WDR47: variants seen among roughly 807,000 people sequenced by gnomAD.
The protein encoded by WDR47 is WD repeat-containing protein 47.
In WDR47, 32 loss-of-function variants were observed where a neutral mutation model predicts 97.2. That is an observed-to-expected ratio of 0.33 (90% CI 0.25 to 0.44). The LOEUF (loss-of-function observed/expected upper bound fraction) is 0.44. Among genes scored for constraint, WDR47 ranks in the 20% least tolerant of loss-of-function variants. The pLI, the probability that WDR47 is intolerant of heterozygous loss-of-function variation, is 1.00. For synonymous variants in WDR47, 375 were observed against 373.5 expected (o/e 1.00, Z -0.05); for missense variants, 782 against 1,102.3 (o/e 0.71, Z 4.11).
At chr1:109,028,977 AT>A (rs1206788586) in intron 1 of WDR47, among the ~76,000 whole-genome samples, 1 of 152,148 alleles carries the variant, frequency 6.6e-6, no homozygotes, top group Non-Finnish European at 1.5e-5. Flanking sequence ...AGTTTTACTT[AT>A]ATCCAATATC....
intron 5 of WDR47, among the ~76,000 whole-genome samples, chr1:109,005,791 C>T (rs1342794245): frequency 6.6e-6 from 1 of 152,042 alleles, no homozygotes; most frequent in African/African-American, 2.4e-5. Flanking sequence ...ATCGCTTGAA[C>T]CAGGGAGGCA....
At chr1:109,023,924 T>C (rs916809361) in intron 1 of WDR47, among the ~76,000 whole-genome samples, 2 of 152,176 alleles carry the variant, frequency 1.3e-5, no homozygotes, top group African/African-American at 4.8e-5. Flanking sequence ...TAATAGAGAA[T>C]ATTTTAAAAA....
In WDR47 at chr1:108,984,833, G is replaced by A. The variant is rs536882621; in HGVS notation, c.1926-1382C>T. Among the ~76,000 whole-genome samples the A allele has an allele frequency of 2.0e-5, 3 of 152,216 alleles. No individual in the cohort carries two copies. The South Asian group carries it at 6.2e-4, about 32-fold the overall frequency. On this transcript the variant is annotated intron_variant, in intron 10 of 14. Transcript: ENST00000369962. ...GTGGAGGTTACAGTGAGCTGAGGTC[G>A]TGCCAGTGCACTCCAGCCTGGCGAC...
intron 13 of WDR47, among the ~76,000 whole-genome samples, chr1:108,976,384 CAGTA>C (rs376868408): frequency 1.4e-3 from 204 of 146,112 alleles, no homozygotes; most frequent in Non-Finnish European, 2.2e-3. Context: ...AAAAAAAAAA[CAGTA>C]AGGAAGGTGG....
In WDR47 at chr1:109,038,994, TAATA is replaced by T. The variant is rs200117651; in HGVS notation, c.-10+2864_-10+2867del. Among the ~76,000 whole-genome samples the T allele has an allele frequency of 3.4e-3, 471 of 139,690 alleles. 1 individual carries two copies. The highest frequency in any genetic ancestry group is 8.0e-3 in the African/African-American group (322 of 40,288). 91.6% of individuals were successfully genotyped at this position (139,690 alleles called of 152,430 possible). A position where few individuals can be genotyped will look rare whatever the true frequency, so the allele number is the denominator to read the frequency against. On this transcript the variant is annotated intron_variant, in intron 1 of 14. Coordinates refer to ENST00000369962, the MANE Select transcript of WDR47 (RefSeq NM_001142551.2). ...ACCCCATCTCAAATAATAACAATAA[TAATA>T]AATAAATAAATAAATAAATATTGGA...
At chr1:109,032,257 A>G (rs1338640202) in intron 1 of WDR47, among the ~76,000 whole-genome samples, 2 of 139,402 alleles carry the variant, frequency 1.4e-5, no homozygotes, top group East Asian at 4.3e-4. Context: ...CATGCCTGTA[A>G]TCCCAGCACT....
At position 109,011,033 on chromosome 1, in the gene WDR47, G is replaced by A; in HGVS notation, c.1013C>T (p.Thr338Ile). ...AGCAAAGGAGTGTGACATTGGAGAA[G>A]TTTTGTTTCCAAGGTCTGAAATTCT... ...DKRISDLGNK[T>I]SPMSHSFANF... is the part of the protein sequence containing the mutation. Residue 338 changes from threonine to isoleucine, a missense_variant, in exon 5 of 15, where the codon ACT (threonine) becomes ATT (isoleucine). Thr to Ile is a moderately conservative substitution (Grantham distance 89, BLOSUM62 -1). Coordinates refer to ENST00000369962, the MANE Select transcript of WDR47 (RefSeq NM_001142551.2). 2 of 1,614,168 alleles carry A rather than the reference G, an allele frequency of 1.2e-6. No homozygotes were observed. The highest frequency in any genetic ancestry group is 1.1e-5 in the South Asian group (1 of 91,084).
In WDR47 at chr1:108,974,646, T is replaced by C; in HGVS notation, c.2507A>G (p.Gln836Arg). 6.2e-7 allele frequency: 1 copy of C among 1,614,168 alleles called. No homozygotes were observed. The highest frequency in any genetic ancestry group is 8.5e-7 in the Non-Finnish European group (1 of 1,180,024). The change falls in exon 14 of 15, where the codon CAA becomes CGA. Residue 836 changes from glutamine (Q) to arginine (R), a missense_variant. By Grantham distance (43) the Gln-to-Arg change is conservative. Coordinates refer to ENST00000369962, the MANE Select transcript of WDR47 (RefSeq NM_001142551.2). ...LYDIRGGRMVQSYHPHSSDVR... is the reference protein window; with the variant it reads ...LYDIRGGRMVRSYHPHSSDVR... ...ATCACTGGAATGAGGATGATAACTT[T>C]GTACCATTCTTCCTCCTCTTATGTC...
At chr1:108,989,353 A>T (rs1242014954) in intron 9 of WDR47, among the ~76,000 whole-genome samples, 3 of 152,236 alleles carry the variant, frequency 2.0e-5, no homozygotes, top group Non-Finnish European at 4.4e-5. Flanking sequence ...TACAGCAATG[A>T]AAAGACTATG....
chr1:108,999,958 A>ACAAGC (rs1476473172), intron 7 of WDR47, among the ~76,000 whole-genome samples: 1 of 152,224 alleles, frequency 6.6e-6, no homozygotes, highest in Admixed American at 6.5e-5. Context: ...AATAATTCTG[A>ACAAGC]CAAGCCACCC....
chr1:108,981,588 T>C (rs1541186), intron 13 of WDR47, 145 bp downstream of exon 13: 61,915 of 771,896 alleles, frequency 0.08, 2,936 homozygotes, highest in Middle Eastern at 0.12. Context: ...AATGCAAGTA[T>C]TGTGAAAGAA....
intron 1 of WDR47, among the ~76,000 whole-genome samples, chr1:109,034,698 T>C (rs932002122): frequency 6.6e-6 from 1 of 152,114 alleles, no homozygotes; most frequent in Non-Finnish European, 1.5e-5. Context: ...TGATCTGAGG[T>C]AGAATGGTTT....
At chr1:109,035,920 C>A (rs562540920) in intron 1 of WDR47, among the ~76,000 whole-genome samples, 2 of 151,860 alleles carry the variant, frequency 1.3e-5, no homozygotes, top group Non-Finnish European at 2.9e-5. Flanking sequence ...CAAACTCCTG[C>A]GCTCAAGCAA....
At chr1:108,974,843 A>G (rs1215524993) in intron 13 of WDR47, 89 bp from the exon 14 acceptor site, 1 of 967,534 alleles carries the variant, frequency 1.0e-6, no homozygotes, top group Non-Finnish European at 1.6e-6. Flanking sequence ...ACCATATACT[A>G]AAGATTTAAT....
At chr1:109,036,464 G>A (rs1032545002) in intron 1 of WDR47, among the ~76,000 whole-genome samples, 1 of 150,116 alleles carries the variant, frequency 6.7e-6, no homozygotes, top group Non-Finnish European at 1.5e-5. Flanking sequence ...CCCAGGAGGA[G>A]GTGAAGGTTG....
rs561784756 is a variant in WDR47, at chr1:109,022,258, T to C, written c.158+1097A>G. ...CAACAGAATTGTTATTTTTAATAGA[T>C]GCAAAAAAAAGATGCACAGAATTTA... On this transcript the variant is annotated intron_variant, in intron 2 of 14. Coordinates refer to ENST00000369962, the MANE Select transcript of WDR47 (RefSeq NM_001142551.2). Among the ~76,000 whole-genome samples, 4 of 152,116 alleles carry C rather than the reference T, an allele frequency of 2.6e-5. No individual in the cohort carries two copies. The South Asian group carries it at 8.3e-4, about 32-fold the overall frequency.
rs1271064037 is a variant in WDR47, at chr1:109,020,235, GT to G, written c.159-2635del. ...CCCTTTAAGATGAACATATTTAGTT[GT>G]TTTTTTTTTTTTTTTTTTGAGACAG... On this transcript the variant is annotated intron_variant, in intron 2 of 14. Transcript: ENST00000369962. Among the ~76,000 whole-genome samples, 113 of 146,134 alleles carry G rather than the reference GT, an allele frequency of 7.7e-4. 1 individual carries two copies. Among genetic ancestry groups the G allele is most frequent in the Admixed American group, 1.4e-3 (21 of 14,640 alleles).
rs140320336 is a variant in WDR47 at position 109,014,310 on chromosome 1, T to A, written c.243-385A>T. ...TAAATACATATACATTGTAGAAAGA[T>A]TAAATCAAATATTTTCTTTTTAAAT... On this transcript the variant is annotated intron_variant, in intron 3 of 14. Coordinates refer to ENST00000369962, the MANE Select transcript of WDR47 (RefSeq NM_001142551.2). Among the ~76,000 whole-genome samples the A allele has an allele frequency of 4.6e-3, 701 of 152,224 alleles. 1 individual carries two copies. Among genetic ancestry groups the A allele is most frequent in the African/African-American group, 0.016 (659 of 41,536 alleles).
intron 5 of WDR47, among the ~76,000 whole-genome samples, chr1:109,009,527 G>T (rs1484647506): frequency 6.6e-6 from 1 of 152,076 alleles, no homozygotes; most frequent in African/African-American, 2.4e-5. Flanking sequence ...AAACAACCTG[G>T]TATCCTACAA....
Sources: gnomAD v4.1 joint callset for allele counts (sites outside exome capture counted in the v4.1 genomes callset) on GRCh38, gnomAD v4.1.1 for gene constraint, MANE v1.5 for transcripts, NCBI Gene and HGNC (gene_info 2026-07-23, HGNC 2026-07-21) for gene names.